Variants in LMNTD1 observed in about 807,000 individuals in gnomAD.
LMNTD1 encodes the protein lamin tail domain-containing protein 1.
In LMNTD1, 35 loss-of-function variants were observed where a neutral mutation model predicts 50.9. The ratio of observed to expected loss-of-function variants is 0.69; its 90% CI spans 0.53 to 0.91. LMNTD1 has a LOEUF of 0.91. LMNTD1 is among the 40% of genes least tolerant of loss of function. The pLI, the probability that LMNTD1 is intolerant of heterozygous loss-of-function variation, is 0.00. For synonymous variants in LMNTD1, 153 were observed against 161.9 expected (o/e 0.94, Z 0.42); for missense variants, 470 against 475.5 (o/e 0.99, Z 0.11).
At chr12:25,607,319 G>A (rs1032413848) in intron 1 of LMNTD1, among the ~76,000 whole-genome samples, 5 of 151,864 alleles carry the variant, frequency 3.3e-5, no homozygotes, top group African/African-American at 1.2e-4. Flanking sequence ...GGGTTTTTTT[G>A]TGTCTCTATC....
chr12:25,528,147 C>T (rs76421353), intron 4 of LMNTD1, among the ~76,000 whole-genome samples: 2,422 of 152,122 alleles, frequency 0.016, 42 homozygotes, highest in South Asian at 0.05. Flanking sequence ...CAATAACATA[C>T]GTATTTCTCA....
chr12:25,576,990 T>C (rs60153986), intron 1 of LMNTD1, among the ~76,000 whole-genome samples: 18,329 of 152,186 alleles, frequency 0.12, 1,293 homozygotes, highest in East Asian at 0.28. Context: ...TTGTCAAAGA[T>C]CAGATGGCTG....
At chr12:25,633,897 A>G (rs1946769378) in intron 1 of LMNTD1, among the ~76,000 whole-genome samples, 1 of 152,054 alleles carries the variant, frequency 6.6e-6, no homozygotes, top group African/African-American at 2.4e-5. Context: ...TTTGAAATCT[A>G]TCTTTGAAAA....
intron 9 of LMNTD1, among the ~76,000 whole-genome samples, chr12:25,484,442 A>G (rs1938548043): frequency 6.6e-6 from 1 of 151,758 alleles, no homozygotes; most frequent in South Asian, 2.1e-4. Context: ...GAATTTAAAT[A>G]CCCCCTAGGT....
intron 7 of LMNTD1, among the ~76,000 whole-genome samples, chr12:25,519,586 T>TTAA (rs781742784): frequency 2.7e-5 from 2 of 74,954 alleles, no homozygotes; most frequent in African/African-American, 6.5e-5. Flanking sequence ...AGACTCTGTC[T>TTAA]CAAAAAAAAA....
intron 1 of LMNTD1, among the ~76,000 whole-genome samples, chr12:25,580,454 A>C (rs956773931): frequency 2.0e-5 from 3 of 152,084 alleles, no homozygotes; most frequent in African/African-American, 7.2e-5. Context: ...ATTATTTCAA[A>C]TCTATCTTTA....
At chr12:25,642,430 G>C (rs980335167) in intron 1 of LMNTD1, among the ~76,000 whole-genome samples, 5 of 152,146 alleles carry the variant, frequency 3.3e-5, no homozygotes, top group Admixed American at 3.3e-4. Flanking sequence ...CTATGAACCA[G>C]AAGGAGGGCC....
chr12:25,627,235 T>C (rs1466623754), intron 1 of LMNTD1, among the ~76,000 whole-genome samples: 1 of 152,238 alleles, frequency 6.6e-6, no homozygotes, highest in South Asian at 2.1e-4. Context: ...CATCTTCTTA[T>C]TCAGTGATGA....
At chr12:25,523,089 A>C (rs931524112) in intron 6 of LMNTD1, among the ~76,000 whole-genome samples, 1 of 151,752 alleles carries the variant, frequency 6.6e-6, no homozygotes, top group African/African-American at 2.4e-5. Flanking sequence ...GCTGGAGTGC[A>C]GTGGTGCAAT....
chr12:25,647,413 TG>T (rs917109733), intron 1 of LMNTD1, among the ~76,000 whole-genome samples: 1 of 151,956 alleles, frequency 6.6e-6, no homozygotes, highest in African/African-American at 2.4e-5. Flanking sequence ...GGCTTGAGCC[TG>T]GGGGGGCAGA....
intron 9 of LMNTD1, among the ~76,000 whole-genome samples, chr12:25,494,348 C>T (rs1009217388): frequency 6.6e-6 from 1 of 151,334 alleles, no homozygotes; most frequent in Non-Finnish European, 1.5e-5. Flanking sequence ...ACATACATAA[C>T]TTATTTAGGA....
chr12:25,518,201 G>T (rs1940953541), intron 8 of LMNTD1, among the ~76,000 whole-genome samples: 1 of 152,102 alleles, frequency 6.6e-6, no homozygotes, highest in South Asian at 2.1e-4. Context: ...TCCAGTTCTT[G>T]TTAAATACTT....
intron 9 of LMNTD1, among the ~76,000 whole-genome samples, chr12:25,490,039 C>T (rs1591822292): frequency 6.6e-6 from 1 of 152,290 alleles, no homozygotes; most frequent in African/African-American, 2.4e-5. Flanking sequence ...AGCAAATATC[C>T]TTTCTAACTC....
At chr12:25,565,868 G>C (rs558060811) in intron 1 of LMNTD1, among the ~76,000 whole-genome samples, 106 of 152,182 alleles carry the variant, frequency 7.0e-4, no homozygotes, top group African/African-American at 2.5e-3. Context: ...TACTATTCTA[G>C]TGTAAACGTT....
intron 1 of LMNTD1, among the ~76,000 whole-genome samples, chr12:25,611,618 A>G (rs1946245378): frequency 6.6e-6 from 1 of 152,242 alleles, no homozygotes; most frequent in Non-Finnish European, 1.5e-5. Flanking sequence ...CAAAAACATA[A>G]TGAGAATGCT....
chr12:25,534,580 C>A (rs561490722), intron 4 of LMNTD1, among the ~76,000 whole-genome samples: 29 of 152,002 alleles, frequency 1.9e-4, no homozygotes, highest in Admixed American at 1.9e-3. Context: ...AGAGCGCTGG[C>A]GATTTTCAGA....
At chr12:25,639,225 T>C (rs1946899851) in intron 1 of LMNTD1, among the ~76,000 whole-genome samples, 1 of 152,152 alleles carries the variant, frequency 6.6e-6, no homozygotes, top group Admixed American at 6.5e-5. Flanking sequence ...GAAGAAAATG[T>C]AGAAATAAAT....
intron 9 of LMNTD1, among the ~76,000 whole-genome samples, chr12:25,483,627 C>CT (rs1938515785): frequency 6.6e-6 from 1 of 151,694 alleles, no homozygotes; most frequent in East Asian, 1.9e-4. Flanking sequence ...CAAAAATTAG[C>CT]CGGTCATGGT....
chr12:25,520,125 A>C, intron 6 of LMNTD1, 50 bp from the exon 7 acceptor site: 1 of 714,400 alleles, frequency 1.4e-6, no homozygotes. Context: ...GAGGTTTACA[A>C]CATGCTGTTA....
Sources: gnomAD v4.1 joint callset for allele counts (sites outside exome capture counted in the v4.1 genomes callset) on GRCh38, gnomAD v4.1.1 for gene constraint, MANE v1.5 for transcripts, NCBI Gene and HGNC (gene_info 2026-07-23, HGNC 2026-07-21) for gene names.